Variants in TDRD3 observed in about 807,000 individuals in gnomAD.
TDRD3 encodes the protein tudor domain-containing protein 3.
TDRD3 carries 45 observed loss-of-function variants against 86.7 expected under a neutral mutation model. The observed-to-expected ratio is 0.52, with a 90% confidence interval of 0.41 to 0.67. The LOEUF (loss-of-function observed/expected upper bound fraction) is 0.67. Ranked by LOEUF, TDRD3 falls within the 30% of genes least tolerant of loss-of-function variation. The pLI is 0.00. For missense variants in TDRD3, 814 were observed against 889.0 expected, an observed-to-expected ratio of 0.92 and a Z score of 1.07; for synonymous variants, 298 against 301.7, an observed-to-expected ratio of 0.99 and a Z score of 0.13.
At chr13:60,450,777 G>A (rs1171784246) in intron 3 of TDRD3, among the ~76,000 whole-genome samples, 6 of 152,122 alleles carry the variant, frequency 3.9e-5, no homozygotes, top group Non-Finnish European at 2.9e-5. Flanking sequence ...TGAAACAAAT[G>A]CTATGTCAAA....
chr13:60,439,252 G>C (rs367714356), intron 1 of TDRD3, among the ~76,000 whole-genome samples: 1 of 152,290 alleles, frequency 6.6e-6, no homozygotes, highest in East Asian at 1.9e-4. Context: ...AAGATAATGT[G>C]AGAAAGTCCA....
intron 2 of TDRD3, among the ~76,000 whole-genome samples, chr13:60,442,052 A>G (rs916785785): frequency 1.3e-5 from 2 of 152,210 alleles, no homozygotes; most frequent in African/African-American, 4.8e-5. Flanking sequence ...TTCTAAAGAT[A>G]GCTGCCTCAG....
At chr13:60,441,355 C>T (rs1382946981) in intron 2 of TDRD3, among the ~76,000 whole-genome samples, 2 of 151,744 alleles carry the variant, frequency 1.3e-5, no homozygotes, top group African/African-American at 4.8e-5. Flanking sequence ...TAAAATAAAT[C>T]AGGATGAAGT....
intron 12 of TDRD3, chr13:60,537,533 A>T (rs1177450139): frequency 3.9e-5 from 6 of 152,014 alleles, no homozygotes; most frequent in Non-Finnish European, 5.9e-5. Context: ...AGTACTTTTT[A>T]AAAATTTTGG....
At chr13:60,551,656 G>A (rs1225873033) in intron 12 of TDRD3, among the ~76,000 whole-genome samples, 2 of 151,894 alleles carry the variant, frequency 1.3e-5, no homozygotes, top group East Asian at 3.9e-4. Context: ...CTGTTTCAAT[G>A]TGTATTAGTC....
At position 60,528,707 on chromosome 13, in the gene TDRD3, T is replaced by C; in HGVS notation, c.1482T>C (p.Gly494=). The C allele has an allele frequency of 1.2e-6, 2 of 1,611,588 alleles. No individual in the cohort carries two copies. Among genetic ancestry groups the C allele is most frequent in the Non-Finnish European group, 1.7e-6 (2 of 1,179,336 alleles). The stretch of plus-strand genomic sequence containing the variant: ...CTTTAGGTTCTCAGCATAGTGATGG[T>C]GCTTTTAAAAAAAGAGATAACTCTA... ...SYPLGSQHSD[G]AFKKRDNSMQ... Residue 494 remains glycine, a synonymous_variant, in exon 11 of 14, where the codon GGT becomes GGC. Transcript: ENST00000377881.
chr13:60,553,838 GA>G (rs1054045635), intron 12 of TDRD3, among the ~76,000 whole-genome samples: 1 of 152,062 alleles, frequency 6.6e-6, no homozygotes, highest in Non-Finnish European at 1.5e-5. Context: ...TTTTGGTGGG[GA>G]CACAGAGTCA....
chr13:60,554,441 ACAT>A (rs752164802), intron 12 of TDRD3, among the ~76,000 whole-genome samples: 1 of 152,178 alleles, frequency 6.6e-6, no homozygotes, highest in Non-Finnish European at 1.5e-5. Context: ...TACAATATAG[ACAT>A]CATCATTGAT....
At chr13:60,400,086 T>A (rs557031597) in intron 1 of TDRD3, among the ~76,000 whole-genome samples, 2 of 152,366 alleles carry the variant, frequency 1.3e-5, no homozygotes, top group East Asian at 3.9e-4. Flanking sequence ...TGAACTTGAA[T>A]GTTCCAGGGC....
Position 60,531,622 on chromosome 13 carries a change from T to C in TDRD3, c.1992+2405T>C, listed in dbSNP as rs140012693. Among the ~76,000 whole-genome samples the C allele has an allele frequency of 3.4e-4, 51 of 152,224 alleles. 3 individuals carry two copies. In the East Asian group the frequency reaches 9.1e-3, roughly 27 times the overall value. ...GCTTTCCATTGAAATCCCACAAAGATCATACCCTGGGTAGTAACTGCAAAA... is the reference window on the plus strand; with the variant it reads ...GCTTTCCATTGAAATCCCACAAAGACCATACCCTGGGTAGTAACTGCAAAA... On this transcript the variant is annotated intron_variant, in intron 11 of 13. Coordinates refer to ENST00000377881, the MANE Select transcript of TDRD3 (RefSeq NM_001146070.2).
At chr13:60,481,604 T>C (rs1461910137) in intron 5 of TDRD3, among the ~76,000 whole-genome samples, 1 of 151,908 alleles carries the variant, frequency 6.6e-6, no homozygotes, top group African/African-American at 2.4e-5. Context: ...TTGGTTCTTC[T>C]TTTTTTTGTA....
intron 12 of TDRD3, among the ~76,000 whole-genome samples, chr13:60,559,275 G>A (rs973226224): frequency 6.6e-6 from 1 of 152,122 alleles, no homozygotes; most frequent in South Asian, 2.1e-4. Flanking sequence ...TGCCTATGAT[G>A]TGGTAGAATC....
At chr13:60,468,653 T>A (rs944814960) in intron 5 of TDRD3, among the ~76,000 whole-genome samples, 1 of 152,166 alleles carries the variant, frequency 6.6e-6, no homozygotes, top group African/African-American at 2.4e-5. Flanking sequence ...ATAAGGGCTG[T>A]TAAATAACTT....
intron 12 of TDRD3, among the ~76,000 whole-genome samples, chr13:60,541,121 TCTA>T (rs552582447): frequency 7.0e-4 from 106 of 151,806 alleles, no homozygotes; most frequent in African/African-American, 2.5e-3. Flanking sequence ...ATTTGAAAAA[TCTA>T]CAGCATTCTT....
chr13:60,559,290 C>G (rs1312302602), intron 12 of TDRD3, among the ~76,000 whole-genome samples: 3 of 152,072 alleles, frequency 2.0e-5, no homozygotes. Flanking sequence ...AGAATCTAAA[C>G]CCAGACTCAG....
chr13:60,452,226 G>C (rs1955565735), intron 3 of TDRD3, among the ~76,000 whole-genome samples: 1 of 151,996 alleles, frequency 6.6e-6, no homozygotes, highest in South Asian at 2.1e-4. Context: ...GAAGTATATG[G>C]GCTGTGCATC....
chr13:60,433,787 C>G (rs1376758110), intron 1 of TDRD3, among the ~76,000 whole-genome samples: 1 of 152,218 alleles, frequency 6.6e-6, no homozygotes, highest in Non-Finnish European at 1.5e-5. Context: ...CCCCCTTTAG[C>G]TCAGTCAGCT....
intron 12 of TDRD3, among the ~76,000 whole-genome samples, chr13:60,546,002 A>G (rs1204093513): frequency 6.6e-6 from 1 of 151,816 alleles, no homozygotes; most frequent in South Asian, 2.1e-4. Context: ...TGGCTTTTAT[A>G]TAGGTTGCAT....
intron 8 of TDRD3, among the ~76,000 whole-genome samples, chr13:60,499,322 T>C (rs901416854): frequency 7.9e-5 from 12 of 152,190 alleles, no homozygotes; most frequent in African/African-American, 2.9e-4. Flanking sequence ...CCAGATGTGG[T>C]TTCATTGCTT....
Sources: allele counts gnomAD v4.1 joint callset (sites outside exome capture counted in the v4.1 genomes callset), GRCh38; gene constraint gnomAD v4.1.1; transcripts MANE v1.5; gene names NCBI Gene and HGNC (gene_info 2026-07-23, HGNC 2026-07-21).